The following PTPRA variants were observed in gnomAD, a reference collection of about 807,000 sequenced individuals.
PTPRA encodes the protein receptor-type tyrosine-protein phosphatase alpha.
Under a neutral mutation model 104.8 loss-of-function variants are expected in PTPRA, and 25 were observed. That is an observed-to-expected ratio of 0.24 (90% CI 0.17 to 0.33). PTPRA has a LOEUF of 0.33. Among genes scored for constraint, PTPRA ranks in the 10% least tolerant of loss-of-function variants. The pLI is 1.00. For synonymous variants in PTPRA, 323 were observed against 368.9 expected, an observed-to-expected ratio of 0.88 and a Z score of 1.43; for missense variants, 765 against 1,015.3, an observed-to-expected ratio of 0.75 and a Z score of 3.35.
chr20:2,985,086 C>T (rs2062845716), intron 6 of PTPRA, among the ~76,000 whole-genome samples: 1 of 152,214 alleles, frequency 6.6e-6, no homozygotes, highest in Non-Finnish European at 1.5e-5. Flanking sequence ...TTCCTAGTGT[C>T]TCAAACAATG....
At position 2,888,569 on chromosome 20, in the gene PTPRA, T is replaced by TA. The variant is rs1248028606; in HGVS notation, c.-129+14821dup. ...CCCTGTCTCAAAAAGAAAAAGCATT[T>TA]AAAAAAAAAAAAGGTTTGTTAGTGT... On this transcript the variant is annotated intron_variant, in intron 1 of 23. Transcript: ENST00000399903. 8.4e-3 allele frequency among the ~76,000 whole-genome samples: 1,193 copies of TA among 142,028 alleles called. 9 individuals carry two copies. Among genetic ancestry groups the TA allele is most frequent in the South Asian group, 0.029 (129 of 4,496 alleles). 93.2% of individuals were successfully genotyped at this position (142,028 alleles called of 152,430 possible).
In PTPRA at chr20:3,035,492, G is replaced by A. The variant is rs1036464674; in HGVS notation, c.1921-93G>A. On this transcript the variant is annotated intron_variant, in intron 20 of 23. Coordinates refer to ENST00000399903, the MANE Select transcript of PTPRA (RefSeq NM_001385305.1). The surrounding 1 kb of genome is among the most constrained non-coding windows in gnomAD (Gnocchi z 5.8). ...ACGAAGCGTATCAGCGTAAGAGGTG[G>A]CTGTACTGAGAGGGGTCAGGCTGCT... 3.5e-6 allele frequency: 5 copies of A among 1,412,682 alleles called. No homozygotes were observed. The highest frequency in any genetic ancestry group is 1.3e-5 in the South Asian group (1 of 78,836). The allele number at this position is 1,412,682 out of a possible 1,614,324, so 87.5% of individuals were successfully genotyped here.
chr20:2,872,043 T>TG (rs922550048), upstream of PTPRA, among the ~76,000 whole-genome samples: 1 of 151,858 alleles, frequency 6.6e-6, no homozygotes, highest in African/African-American at 2.4e-5. This position sits in a 1 kb window ranked among gnomAD's most constrained non-coding sequence, Gnocchi z 7.9. Context: ...TACGGAGGAG[T>TG]GGGGCACAGA....
At chr20:2,987,917 C>G (rs774911351) in intron 7 of PTPRA, 115 bp from the exon 8 acceptor site, 1 of 1,040,580 alleles carries the variant, frequency 9.6e-7, no homozygotes, top group East Asian at 2.4e-5. Flanking sequence ...TAAAAAAGCC[C>G]GATTATTTTT....
chr20:2,986,425 T>A (rs1189087401), intron 6 of PTPRA, among the ~76,000 whole-genome samples: 1 of 152,220 alleles, frequency 6.6e-6, no homozygotes, highest in Admixed American at 6.5e-5. Flanking sequence ...ATGTGCTAAG[T>A]ACTGTTTTAG....
At chr20:2,869,132 A>G (rs1224133905), upstream of PTPRA, among the ~76,000 whole-genome samples, 1 of 152,212 alleles carries the variant, frequency 6.6e-6, no homozygotes, top group Non-Finnish European at 1.5e-5. Context: ...ATAATTTTAC[A>G]GTGAACATTT....
At chr20:2,915,140 A>G (rs922078854) in intron 1 of PTPRA, among the ~76,000 whole-genome samples, 1 of 151,650 alleles carries the variant, frequency 6.6e-6, no homozygotes, top group East Asian at 1.9e-4. Context: ...TACAGTGGCT[A>G]TTCACATAGG....
intron 1 of PTPRA, among the ~76,000 whole-genome samples, chr20:2,894,896 A>G (rs182846398): frequency 2.6e-5 from 4 of 150,992 alleles, no homozygotes; most frequent in African/African-American, 9.7e-5. Context: ...CTGAGACAGG[A>G]GAATGGGGTG....
At chr20:2,937,619 A>G (rs1324215653) in intron 2 of PTPRA, among the ~76,000 whole-genome samples, 1 of 152,152 alleles carries the variant, frequency 6.6e-6, no homozygotes, top group Non-Finnish European at 1.5e-5. Context: ...ATATATATGG[A>G]TATATGCATA....
At chr20:2,924,447 AT>A (rs1465830876) in intron 2 of PTPRA, among the ~76,000 whole-genome samples, 2 of 152,206 alleles carry the variant, frequency 1.3e-5, no homozygotes, top group Non-Finnish European at 2.9e-5. Context: ...ATAACATGGA[AT>A]TTTATTCAGT....
At chr20:2,897,272 G>A (rs2059036324) in intron 1 of PTPRA, among the ~76,000 whole-genome samples, 2 of 151,722 alleles carry the variant, frequency 1.3e-5, no homozygotes, top group Admixed American at 1.3e-4. Flanking sequence ...ATTTTTGCTT[G>A]CTAGTTTTAC....
Position 3,022,872 on chromosome 20 carries a change from A to G in PTPRA, c.1464+48A>G. The G allele has an allele frequency of 6.2e-7, 1 of 1,611,164 alleles. No homozygotes were observed. Among genetic ancestry groups the G allele is most frequent in the Non-Finnish European group, 8.5e-7 (1 of 1,178,528 alleles). On this transcript the variant is annotated intron_variant, in intron 16 of 23. Coordinates refer to ENST00000399903, the MANE Select transcript of PTPRA (RefSeq NM_001385305.1). The surrounding 1 kb of genome is among the most constrained non-coding windows in gnomAD (Gnocchi z 4.6). ...GAGGGTGGGGGGTTCCAGGACTAAA[A>G]CATCTGCCCACATTGAGGATTCACT...
At chr20:3,003,471 G>A (rs898937978) in intron 9 of PTPRA, among the ~76,000 whole-genome samples, 1 of 152,064 alleles carries the variant, frequency 6.6e-6, no homozygotes, top group African/African-American at 2.4e-5. Context: ...GTTTTTTTAA[G>A]GCTCATAAAA....
chr20:2,988,594 A>G (rs2063006976), intron 9 of PTPRA, 120 bp downstream of exon 9: 1 of 1,373,930 alleles, frequency 7.3e-7, no homozygotes, highest in African/African-American at 1.5e-5. Flanking sequence ...GAGGTGAGAA[A>G]TGTTTTACCA....
rs759898695 is a variant in PTPRA at position 3,022,756 on chromosome 20, C to T, written c.1396C>T (p.Arg466Trp). 1.2e-5 allele frequency: 20 copies of T among 1,614,024 alleles called. No homozygotes were observed. Among genetic ancestry groups the T allele is most frequent in the Admixed American group, 3.3e-5 (2 of 60,000 alleles). The change falls in exon 16 of 24, where the codon CGG (arginine) becomes TGG (tryptophan). Residue 466 changes from arginine to tryptophan, a missense_variant. Transcript: ENST00000399903. This position sits in a 1 kb window ranked among gnomAD's most constrained non-coding sequence, Gnocchi z 4.6. ...DAMLDMMHTE[R>W]KVDVYGFVSR... Reference sequence around the variant, plus strand: ...CATGCTGGACATGATGCATACAGAACGGAAGGTGGACGTGTATGGCTTTGT... The same window carrying T: ...CATGCTGGACATGATGCATACAGAATGGAAGGTGGACGTGTATGGCTTTGT...
At chr20:2,951,109 T>TTTC (rs981792641) in intron 3 of PTPRA, among the ~76,000 whole-genome samples, 1 of 143,052 alleles carries the variant, frequency 7.0e-6, no homozygotes, top group African/African-American at 2.8e-5. Flanking sequence ...TCTTTCTTTC[T>TTTC]TTTTTTTTTA....
intron 20 of PTPRA, among the ~76,000 whole-genome samples, chr20:3,028,185 G>T (rs1478547516): frequency 6.6e-6 from 1 of 151,432 alleles, no homozygotes; most frequent in Non-Finnish European, 1.5e-5. Flanking sequence ...GCCCCAGGCG[G>T]GGGGGGCACC....
At chr20:2,874,724 T>G (rs1172843970) in intron 1 of PTPRA, among the ~76,000 whole-genome samples, 3 of 152,216 alleles carry the variant, frequency 2.0e-5, no homozygotes, top group African/African-American at 7.2e-5. Flanking sequence ...GTCACTTGTT[T>G]ACTTAAAAAC....
intron 9 of PTPRA, among the ~76,000 whole-genome samples, chr20:2,998,506 T>TG (rs2148238248): frequency 6.6e-6 from 1 of 152,248 alleles, no homozygotes; most frequent in East Asian, 1.9e-4. Context: ...TCCAGAGAGT[T>TG]GGGAGTTTGC....
Sources: gnomAD v4.1 joint callset for allele counts (sites outside exome capture counted in the v4.1 genomes callset) on GRCh38, gnomAD v4.1.1 for gene constraint, Gnocchi (gnomAD v3.1) non-coding constraint, MANE v1.5 for transcripts, NCBI Gene and HGNC (gene_info 2026-07-23, HGNC 2026-07-21) for gene names.